Variants in PRRT1 observed in about 807,000 individuals in gnomAD.
The protein encoded by PRRT1 is proline rich transmembrane protein 1, also known as proline-rich transmembrane protein 1.
In PRRT1, 8 loss-of-function variants were observed where a neutral mutation model predicts 22.6. That is an observed-to-expected ratio of 0.35 (90% CI 0.21 to 0.64). PRRT1 has a LOEUF of 0.64. Ranked by LOEUF, PRRT1 falls within the 30% of genes least tolerant of loss-of-function variation. The pLI is 0.69. For synonymous variants in PRRT1, 176 were observed against 203.6 expected, an observed-to-expected ratio of 0.86 and a Z score of 1.15; for missense variants, 315 against 444.5, an observed-to-expected ratio of 0.71 and a Z score of 2.62.
In PRRT1 at chr6:32,148,535, C is replaced by G. The variant is rs1343009741; in HGVS notation, c.*687G>C. 3.0e-6 allele frequency: 1 copy of G among 329,774 alleles called. No individual in the cohort carries two copies. Among genetic ancestry groups the G allele is most frequent in the African/African-American group, 2.2e-5 (1 of 46,374 alleles). 20.4% of individuals were successfully genotyped at this position (329,774 alleles called of 1,614,324 possible). On this transcript the variant is annotated 3_prime_UTR_variant, in exon 4 of 4. Transcript: ENST00000211413. This position sits in a 1 kb window ranked among gnomAD's most constrained non-coding sequence, Gnocchi z 5.7. ...TGGGATGGGTGGAAGGGAGTATTTA[C>G]AGAGCGTTTACAGGCAGGTTTCTTA...
Position 32,149,748 on chromosome 6 carries a change from G to A in PRRT1, c.559-26C>T. The A allele has an allele frequency of 2.0e-6, 3 of 1,476,254 alleles. No individual in the cohort carries two copies. Among genetic ancestry groups the A allele is most frequent in the Non-Finnish European group, 2.7e-6 (3 of 1,096,292 alleles). 91.4% of individuals were successfully genotyped at this position (1,476,254 alleles called of 1,614,324 possible). Reference sequence around the variant, plus strand: ...CTGTGGAAGGAAATTTGGGGGGCAGGGGCATCACTCTGACCCTCTCCCAGC... The same window carrying A: ...CTGTGGAAGGAAATTTGGGGGGCAGAGGCATCACTCTGACCCTCTCCCAGC... On this transcript the variant is annotated intron_variant, in intron 2 of 3. Coordinates refer to ENST00000211413, the MANE Select transcript of PRRT1 (RefSeq NM_030651.4). The surrounding 1 kb of genome is among the most constrained non-coding windows in gnomAD (Gnocchi z 8.7).
At chr6:32,151,219 T>C (rs1783253240) in intron 1 of PRRT1, 1 of 621,432 alleles carries the variant, frequency 1.6e-6, no homozygotes, top group African/African-American at 1.8e-5. Context: ...TTGCTATAGC[T>C]GCCTTTGGGC....
At position 32,149,711 on chromosome 6, in the gene PRRT1, G is replaced by T. The variant is rs543250418; in HGVS notation, c.570C>A (p.Gly190=). The change falls in exon 3 of 4, where the codon GGC becomes GGA. Residue 190 remains glycine, a synonymous_variant. Transcript: ENST00000211413. The surrounding 1 kb of genome is among the most constrained non-coding windows in gnomAD (Gnocchi z 8.7). ...TCACTCCTGTTCCCCCCGGGGTCCC[G>T]CCTGCATATGGCTGTGGAAGGAAAT... ...PVYPVGTPYA[G]GTPGGTGVTS... is the part of the protein sequence containing the mutation. 6.3e-7 allele frequency: 1 copy of T among 1,584,784 alleles called. No homozygotes were observed. The highest frequency in any genetic ancestry group is 1.8e-5 in the Admixed American group (1 of 56,714).
Position 32,150,488 on chromosome 6 carries a change from G to T in PRRT1, c.438C>A (p.Phe146Leu). The change falls in exon 2 of 4, where the codon TTC (phenylalanine) becomes TTA (leucine). Residue 146 changes from phenylalanine to leucine, a missense_variant. Physicochemically the swap from Phe to Leu is conservative, Grantham distance 22. Around this residue, in one of 4 missense-constraint regions of PRRT1, gnomAD observed 263 missense variants for 328.5 expected, o/e 0.80. Transcript: ENST00000211413. This position sits in a 1 kb window ranked among gnomAD's most constrained non-coding sequence, Gnocchi z 7.2. ...APAQTAQAPG[F>L]VVPTHAGTVG... ...CAGTCCCCGCGTGCGTGGGCACCACGAAGCCAGGGGCCTGGGCAGTCTGGG... is the reference window on the plus strand; with the variant it reads ...CAGTCCCCGCGTGCGTGGGCACCACTAAGCCAGGGGCCTGGGCAGTCTGGG... The T allele has an allele frequency of 2.7e-6, 4 of 1,479,256 alleles. No homozygotes were observed. Among genetic ancestry groups the T allele is most frequent in the South Asian group, 1.4e-5 (1 of 72,592 alleles). 91.6% of individuals were successfully genotyped at this position (1,479,256 alleles called of 1,614,324 possible). A position where few individuals can be genotyped will look rare whatever the true frequency, so the allele number is the denominator to read the frequency against.
rs1783137794 is a variant in PRRT1, at chr6:32,149,443, C to T, written c.745-45G>A. The stretch of plus-strand genomic sequence containing the variant: ...GAAGGAGGTCAAAGAGCTGCGGCCT[C>T]GTTCGAACGCCTCAGCCTTTCTCTA... On this transcript the variant is annotated intron_variant, in intron 3 of 3. Transcript: ENST00000211413. The surrounding 1 kb of genome is among the most constrained non-coding windows in gnomAD (Gnocchi z 8.7). The T allele has an allele frequency of 1.9e-6, 3 of 1,593,548 alleles. No individual in the cohort carries two copies. Among genetic ancestry groups the T allele is most frequent in the Non-Finnish European group, 2.6e-6 (3 of 1,167,652 alleles).
rs1247061279 is a variant in PRRT1, at chr6:32,150,424, A to C, written c.502T>G (p.Tyr168Asp). The change falls in exon 2 of 4, where the codon TAC becomes GAC. Residue 168 changes from tyrosine (Y) to aspartate (D), a missense_variant. Tyr to Asp is a radical substitution (Grantham distance 160, BLOSUM62 -3). Around this residue, in one of 4 missense-constraint regions of PRRT1, gnomAD observed 263 missense variants for 328.5 expected, o/e 0.80. Coordinates refer to ENST00000211413, the MANE Select transcript of PRRT1 (RefSeq NM_030651.4). The surrounding 1 kb of genome is among the most constrained non-coding windows in gnomAD (Gnocchi z 7.2). ...LPLGGYVAPG[Y>D]PLQLQPCTAY... ...GTGCAAGGCTGCAGCTGCAGGGGGT[A>C]TCCGGGCGCTACGTAGCCCCCCAGC... The C allele has an allele frequency of 1.3e-6, 2 of 1,529,580 alleles. No individual in the cohort carries two copies. Among genetic ancestry groups the C allele is most frequent in the African/African-American group, 1.5e-5 (1 of 68,740 alleles). The allele number at this position is 1,529,580 out of a possible 1,614,324, so 94.8% of individuals were successfully genotyped here. A position where few individuals can be genotyped will look rare whatever the true frequency, so the allele number is the denominator to read the frequency against.
chr6:32,152,000 G>GGGGGCGGGGGGA, upstream of PRRT1: 1 of 350,442 alleles, frequency 2.9e-6, no homozygotes, highest in Non-Finnish European at 5.7e-6. Flanking sequence ...GGGAGGGGGG[G>GGGGGCGGGGGGA]AGCTTAAAGG....
In PRRT1 at chr6:32,151,839, C is replaced by T. The variant is rs772175481; in HGVS notation, c.-12G>A. The T allele has an allele frequency of 8.6e-5, 139 of 1,610,222 alleles. No homozygotes were observed. Among genetic ancestry groups the T allele is most frequent in the Non-Finnish European group, 1.1e-4 (127 of 1,179,142 alleles). On this transcript the variant is annotated 5_prime_UTR_variant, in exon 1 of 4. Coordinates refer to ENST00000211413, the MANE Select transcript of PRRT1 (RefSeq NM_030651.4). Reference sequence around the variant, plus strand: ...TTTTCGGATGACATGCCTGCGGTCTCGCTGGGACAGGGTCCCTGCAGCCGG... The same window carrying T: ...TTTTCGGATGACATGCCTGCGGTCTTGCTGGGACAGGGTCCCTGCAGCCGG...
chr6:32,151,524 C>T, intron 1 of PRRT1: 1 of 556,166 alleles, frequency 1.8e-6, no homozygotes. Context: ...ATCTGTCACT[C>T]CCAATGATGC....
chr6:32,151,871 G>C lies in PRRT1; in HGVS notation c.-44C>G, dbSNP rs1350039304. On this transcript the variant is annotated 5_prime_UTR_variant, in exon 1 of 4. Transcript: ENST00000211413. ...ACAGGGTCCCTGCAGCCGGAGTGGGGGTCCTCGGCCGGTGCTGGAGTCTGG... is the reference window on the plus strand; with the variant it reads ...ACAGGGTCCCTGCAGCCGGAGTGGGCGTCCTCGGCCGGTGCTGGAGTCTGG... The C allele has an allele frequency of 6.2e-7, 1 of 1,600,352 alleles. No individual in the cohort carries two copies. The highest frequency in any genetic ancestry group is 8.5e-7 in the Non-Finnish European group (1 of 1,171,716).
Position 32,149,686 on chromosome 6 carries a change from T to C in PRRT1, c.595A>G (p.Thr199Ala), listed in dbSNP as rs961511359. Residue 199 changes from threonine (T) to alanine (A), a missense_variant, in exon 3 of 4, where the codon ACC becomes GCC. Physicochemically the swap from Thr to Ala is moderately conservative, Grantham distance 58 (BLOSUM62 0). Around this residue, in one of 4 missense-constraint regions of PRRT1, gnomAD observed 263 missense variants for 328.5 expected, o/e 0.80. Transcript: ENST00000211413. The surrounding 1 kb of genome is among the most constrained non-coding windows in gnomAD (Gnocchi z 8.7). ...TGGGGCGGCGGGGGGAGAGTGGAGG[T>C]CACTCCTGTTCCCCCCGGGGTCCCG... ...AGGTPGGTGV[T>A]STLPPPPQGP... 1.9e-6 allele frequency: 3 copies of C among 1,604,688 alleles called. No homozygotes were observed. Among genetic ancestry groups the C allele is most frequent in the Non-Finnish European group, 2.6e-6 (3 of 1,176,022 alleles).
At position 32,150,904 on chromosome 6, in the gene PRRT1, G is replaced by A. The variant is rs780979714; in HGVS notation, c.22C>T (p.Leu8Phe). The A allele has an allele frequency of 6.3e-7, 1 of 1,574,818 alleles. No homozygotes were observed. The highest frequency in any genetic ancestry group is 2.3e-5 in the East Asian group (1 of 44,038). The change falls in exon 2 of 4, where the codon CTC (leucine) becomes TTC (phenylalanine). Residue 8 changes from leucine (L) to phenylalanine (F), a missense_variant and splice_region_variant. Leu to Phe is a conservative substitution (Grantham distance 22, BLOSUM62 0). Coordinates refer to ENST00000211413, the MANE Select transcript of PRRT1 (RefSeq NM_030651.4). This position sits in a 1 kb window ranked among gnomAD's most constrained non-coding sequence, Gnocchi z 7.2. ...GAAGTGTGAGGGACTGAGTCTGGGAGTCCTGGGGGAGGTGAGTGGAGGAGA... is the reference window on the plus strand; with the variant it reads ...GAAGTGTGAGGGACTGAGTCTGGGAATCCTGGGGGAGGTGAGTGGAGGAGA... MSSEKSG[L>F]PDSVPHTSPP...
chr6:32,149,572 G>A lies in PRRT1; in HGVS notation c.709C>T (p.Pro237Ser). The change falls in exon 3 of 4, where the codon CCT (proline) becomes TCT (serine). Residue 237 changes from proline to serine, a missense_variant. Coordinates refer to ENST00000211413, the MANE Select transcript of PRRT1 (RefSeq NM_030651.4). The surrounding 1 kb of genome is among the most constrained non-coding windows in gnomAD (Gnocchi z 8.7). ...AVLTTICCFWPTGIIAIFKAV... is the reference protein window; with the variant it reads ...AVLTTICCFWSTGIIAIFKAV... ...TTGAAGATGGCAATGATGCCAGTAG[G>A]CCAGAAGCAACAGATGGTGGTCAGC... 1 of 1,613,098 alleles carries A rather than the reference G, an allele frequency of 6.2e-7. No individual in the cohort carries two copies. Among genetic ancestry groups the A allele is most frequent in the Non-Finnish European group, 8.5e-7 (1 of 1,180,036 alleles).
In PRRT1 at chr6:32,151,877, C is replaced by T. The variant is rs759951657; in HGVS notation, c.-50G>A. ...TCCCTGCAGCCGGAGTGGGGGTCCT[C>T]GGCCGGTGCTGGAGTCTGGGTGCTG... is the stretch of plus-strand genomic sequence containing the variant. On this transcript the variant is annotated 5_prime_UTR_variant, in exon 1 of 4. Coordinates refer to ENST00000211413, the MANE Select transcript of PRRT1 (RefSeq NM_030651.4). The T allele has an allele frequency of 1.1e-4, 179 of 1,584,708 alleles. No individual in the cohort carries two copies. Among genetic ancestry groups the T allele is most frequent in the East Asian group, 1.1e-3 (47 of 44,328 alleles).
upstream of PRRT1, chr6:32,151,964 C>CGGGGGGGGGG: frequency 9.3e-6 from 1 of 107,894 alleles, no homozygotes; most frequent in Non-Finnish European, 1.7e-5. Context: ...GGGGGGGGGG[C>CGGGGGGGGGG]GGGGGGGGCG....
chr6:32,150,458 G>GC lies in PRRT1; in HGVS notation c.467dup (p.Thr157HisfsTer321). On this transcript the variant is annotated frameshift_variant, in exon 2 of 4. Coordinates refer to ENST00000211413, the MANE Select transcript of PRRT1 (RefSeq NM_030651.4). LOFTEE classifies it high-confidence loss of function. The surrounding 1 kb of genome is among the most constrained non-coding windows in gnomAD (Gnocchi z 7.2). ...CTACGTAGCCCCCCAGCGGCAGCGT[G>GC]CCCACAGTCCCCGCGTGCGTGGGCA... 1 of 1,517,950 alleles carries GC rather than the reference G, an allele frequency of 6.6e-7. No homozygotes were observed. 94.0% of individuals were successfully genotyped at this position (1,517,950 alleles called of 1,614,324 possible). A position where few individuals can be genotyped will look rare whatever the true frequency, so the allele number is the denominator to read the frequency against.
At chr6:32,151,964 C>CGGGGGGGGGGGGGGGGGGG, upstream of PRRT1, 5 of 107,892 alleles carry the variant, frequency 4.6e-5, no homozygotes, top group East Asian at 2.5e-4. Flanking sequence ...GGGGGGGGGG[C>CGGGGGGGGGGGGGGGGGGG]GGGGGGGGCG....
rs187057194 is a variant in PRRT1, at chr6:32,149,433, G to A, written c.745-35C>T. 1.5e-3 allele frequency: 2,429 copies of A among 1,594,290 alleles called. 86 individuals carry two copies. The Admixed American group carries it at 0.041, about 27-fold the overall frequency. ...AGGGGTGGGGGAAGGAGGTCAAAGA[G>A]CTGCGGCCTCGTTCGAACGCCTCAG... On this transcript the variant is annotated intron_variant, in intron 3 of 3. Coordinates refer to ENST00000211413, the MANE Select transcript of PRRT1 (RefSeq NM_030651.4). This position sits in a 1 kb window ranked among gnomAD's most constrained non-coding sequence, Gnocchi z 8.7.
At position 32,150,969 on chromosome 6, in the gene PRRT1, G is replaced by C. The variant is rs1164375717; in HGVS notation, c.20-63C>G. 5.2e-6 allele frequency: 7 copies of C among 1,350,730 alleles called. No homozygotes were observed. Among genetic ancestry groups the C allele is most frequent in the Admixed American group, 2.0e-5 (1 of 50,708 alleles). The allele number at this position is 1,350,730 out of a possible 1,614,324, so 83.7% of individuals were successfully genotyped here. The stretch of plus-strand genomic sequence containing the variant: ...ATGACACAGTGATGAGTTGAGGAGG[G>C]GGTAAGGGGAAACACAGCCGGTCAG... On this transcript the variant is annotated intron_variant, in intron 1 of 3. Coordinates refer to ENST00000211413, the MANE Select transcript of PRRT1 (RefSeq NM_030651.4). This position sits in a 1 kb window ranked among gnomAD's most constrained non-coding sequence, Gnocchi z 7.2.
Sources: gnomAD v4.1 joint callset for allele counts on GRCh38, gnomAD v4.1.1 for gene constraint, gnomAD v4.1.1 regional missense constraint, Gnocchi (gnomAD v3.1) non-coding constraint, MANE v1.5 for transcripts, NCBI Gene and HGNC (gene_info 2026-07-23, HGNC 2026-07-21) for gene names.